Variants in EXOG observed in about 807,000 individuals in gnomAD.
EXOG encodes the protein nuclease EXOG, mitochondrial.
In EXOG, 27 loss-of-function variants were observed where a neutral mutation model predicts 25.8. The observed-to-expected ratio is 1.05, with a 90% CI of 0.77 to 1.45. The LOEUF is 1.45. Among genes scored for constraint, EXOG ranks in the 40% most tolerant of loss-of-function variants. The pLI is 0.00. For synonymous variants in EXOG, 133 were observed against 167.0 expected (o/e 0.80, Z 1.57); for missense variants, 458 against 450.5 (o/e 1.02, Z -0.15).
intron 3 of EXOG, among the ~76,000 whole-genome samples, chr3:38,502,578 G>C (rs1046448776): frequency 6.6e-6 from 1 of 152,018 alleles, no homozygotes; most frequent in Non-Finnish European, 1.5e-5. Context: ...TAAGAATGAG[G>C]ATGTTTATAT....
In EXOG at chr3:38,524,424, C is replaced by G. The variant is rs965739456; in HGVS notation, c.*62C>G. ...AGCAGGCATGCCCTCTTTAGGCTAA[C>G]ATATTTTAGTGGCTTTGCTTTTTGC... On this transcript the variant is annotated 3_prime_UTR_variant, in exon 6 of 6. Coordinates refer to ENST00000287675, the MANE Select transcript of EXOG (RefSeq NM_005107.4). 6.6e-7 allele frequency: 1 copy of G among 1,510,460 alleles called. No individual in the cohort carries two copies. The allele number at this position is 1,510,460 out of a possible 1,614,324, so 93.6% of individuals were successfully genotyped here.
intron 5 of EXOG, among the ~76,000 whole-genome samples, chr3:38,508,559 C>T (rs1235174259): frequency 6.6e-6 from 1 of 152,002 alleles, no homozygotes; most frequent in African/African-American, 2.4e-5. Context: ...AAAAGAAGCA[C>T]TGAAGGACTT....
At chr3:38,510,551 GA>G (rs1169160817) in intron 5 of EXOG, among the ~76,000 whole-genome samples, 4 of 152,024 alleles carry the variant, frequency 2.6e-5, no homozygotes, top group African/African-American at 9.7e-5. Flanking sequence ...GAAAAGAGAA[GA>G]GAGTGATAAA....
At chr3:38,501,055 T>C in intron 2 of EXOG, 1 of 233,854 alleles carries the variant, frequency 4.3e-6, no homozygotes, top group Non-Finnish European at 8.2e-6. Context: ...TTTAGTGTTT[T>C]GATTGGTGAT....
chr3:38,496,559 C>T (rs373909153), intron 1 of EXOG, 29 bp downstream of exon 1: 170 of 1,594,476 alleles, frequency 1.1e-4, no homozygotes, highest in Non-Finnish European at 1.3e-4. Flanking sequence ...CCTCCCTTCG[C>T]TGGCCCAGAT....
Position 38,496,690 on chromosome 3 carries a change from C to T in EXOG, c.163+160C>T, listed in dbSNP as rs375642357. 6.9e-6 allele frequency: 10 copies of T among 1,443,718 alleles called. No individual in the cohort carries two copies. The East Asian group carries it at 1.3e-4, about 18-fold the overall frequency. 89.4% of individuals were successfully genotyped at this position (1,443,718 alleles called of 1,614,324 possible). ...CCTTTATTCTCCCGGCTCGGCCTCC[C>T]TTCCCCACCTCGCGTCTCGCCAGCT... On this transcript the variant is annotated intron_variant, in intron 1 of 5. Coordinates refer to ENST00000287675, the MANE Select transcript of EXOG (RefSeq NM_005107.4).
At chr3:38,514,903 T>G (rs1575656140) in intron 5 of EXOG, among the ~76,000 whole-genome samples, 1 of 151,830 alleles carries the variant, frequency 6.6e-6, no homozygotes, top group South Asian at 2.1e-4. Context: ...CCTGAATAGC[T>G]GGTATTACAG....
intron 5 of EXOG, among the ~76,000 whole-genome samples, chr3:38,521,231 GA>G (rs1266119228): frequency 2.0e-5 from 3 of 152,176 alleles, no homozygotes; most frequent in African/African-American, 4.8e-5. Flanking sequence ...TTACCCCCTT[GA>G]AATAGTGTGA....
intron 5 of EXOG, among the ~76,000 whole-genome samples, chr3:38,519,664 T>C (rs536454968): frequency 6.6e-6 from 1 of 152,346 alleles, no homozygotes; most frequent in East Asian, 1.9e-4. Flanking sequence ...ACCCTCACCC[T>C]AAATTTTCAA....
chr3:38,525,573 T>C lies in EXOG; in HGVS notation c.*1211T>C, dbSNP rs1012368861. The stretch of plus-strand genomic sequence containing the variant: ...CTTGCCTCCAGAGATACAGTTCTTT[T>C]AGTGACCAGATACTGCCAAATTGAT... On this transcript the variant is annotated 3_prime_UTR_variant, in exon 6 of 6. Transcript: ENST00000287675. 1.1e-5 allele frequency: 11 copies of C among 985,212 alleles called. No individual in the cohort carries two copies. The East Asian group carries it at 3.4e-4, about 30-fold the overall frequency. 61.0% of individuals were successfully genotyped at this position (985,212 alleles called of 1,614,324 possible).
chr3:38,511,312 G>T (rs921787929), intron 5 of EXOG, among the ~76,000 whole-genome samples: 1 of 151,964 alleles, frequency 6.6e-6, no homozygotes. Context: ...CTCCAATTGC[G>T]TTGGCTACCA....
intron 2 of EXOG, among the ~76,000 whole-genome samples, chr3:38,498,573 G>A (rs1035710916): frequency 2.0e-5 from 3 of 151,858 alleles, no homozygotes; most frequent in Admixed American, 2.0e-4. Flanking sequence ...AAAAAAGTGT[G>A]ATGAGAGATT....
intron 5 of EXOG, among the ~76,000 whole-genome samples, chr3:38,519,983 C>G (rs941819521): frequency 6.6e-6 from 1 of 152,144 alleles, no homozygotes; most frequent in Non-Finnish European, 1.5e-5. Flanking sequence ...GGCGTGGTCT[C>G]TTGATCTGTC....
Position 38,524,167 on chromosome 3 carries a change from C to G in EXOG, c.912C>G (p.Phe304Leu), listed in dbSNP as rs2060813970. The change falls in exon 6 of 6, where the codon TTC becomes TTG. Residue 304 changes from phenylalanine (F) to leucine (L), a missense_variant. Phe to Leu is a conservative substitution (Grantham distance 22). Transcript: ENST00000287675. ...CSVDTCKLLDFQEFTLYLSTR... is the reference protein window; with the variant it reads ...CSVDTCKLLDLQEFTLYLSTR... ...TGGACACCTGTAAGCTCCTGGATTT[C>G]CAGGAGTTCACCTTGTACTTGAGTA... The G allele has an allele frequency of 6.2e-7, 1 of 1,614,024 alleles. No homozygotes were observed. Among genetic ancestry groups the G allele is most frequent in the Admixed American group, 1.7e-5 (1 of 60,006 alleles).
At chr3:38,520,500 T>C (rs1432258973) in intron 5 of EXOG, among the ~76,000 whole-genome samples, 1 of 152,226 alleles carries the variant, frequency 6.6e-6, no homozygotes, top group African/African-American at 2.4e-5. Context: ...TGTTAAGCCT[T>C]TGAGTCCTTT....
At chr3:38,501,617 T>C in intron 3 of EXOG, 123 bp downstream of exon 3, 1 of 779,434 alleles carries the variant, frequency 1.3e-6, no homozygotes, top group South Asian at 1.9e-5. Context: ...CTCTTATTTT[T>C]CTTCCTGACA....
At chr3:38,503,833 T>G in intron 4 of EXOG, 142 bp downstream of exon 4, 2 of 508,236 alleles carry the variant, frequency 3.9e-6, no homozygotes, top group Non-Finnish European at 6.9e-6. Flanking sequence ...GGGCCAGTTT[T>G]CTTTGCTGTG....
chr3:38,506,724 T>C (rs1382474086), intron 4 of EXOG, 130 bp from the exon 5 acceptor site: 1 of 471,272 alleles, frequency 2.1e-6, no homozygotes, highest in African/African-American at 2.0e-5. Context: ...TATAATGTTT[T>C]GTGCCATGTT....
intron 5 of EXOG, among the ~76,000 whole-genome samples, chr3:38,513,062 A>G (rs1323947938): frequency 6.6e-6 from 1 of 152,176 alleles, no homozygotes; most frequent in South Asian, 2.1e-4. Context: ...TCCACCCCTC[A>G]AAGGGCTGGA....
Sources: gnomAD v4.1 joint callset for allele counts (sites outside exome capture counted in the v4.1 genomes callset) on GRCh38, gnomAD v4.1.1 for gene constraint, MANE v1.5 for transcripts, NCBI Gene and HGNC (gene_info 2026-07-23, HGNC 2026-07-21) for gene names.